Variants in TRHDE observed in about 807,000 individuals in gnomAD.
TRHDE encodes the protein thyrotropin releasing hormone degrading enzyme, also known as thyrotropin-releasing hormone-degrading ectoenzyme.
A neutral mutation model predicts 125.7 loss-of-function variants in TRHDE; 72 were observed. That is an observed-to-expected ratio of 0.57 (90% CI 0.47 to 0.70). TRHDE has a LOEUF of 0.70. Among genes scored for constraint, TRHDE ranks in the 30% least tolerant of loss-of-function variants. The probability of loss-of-function intolerance (pLI) is 0.00; values close to 1 mark genes in which losing one functional copy is unlikely to be tolerated. For missense variants in TRHDE, 1,110 were observed against 1,327.1 expected, an observed-to-expected ratio of 0.84 and a Z score of 2.54; for synonymous variants, 509 against 509.1, an observed-to-expected ratio of 1.00 and a Z score of 0.00.
Position 72,531,599 on chromosome 12 carries a change from A to T in TRHDE, c.1723-10692A>T, listed in dbSNP as rs76148078. Among the ~76,000 whole-genome samples the T allele has an allele frequency of 3.2e-3, 491 of 152,004 alleles. 12 individuals are homozygous for T. In the East Asian group the frequency reaches 0.044, roughly 14 times the overall value. On this transcript the variant is annotated intron_variant, in intron 6 of 18. Transcript: ENST00000261180. ...TAATATTTTTAAAGTTTTGCATTGT[A>T]TATTGAGTTCTGTAATCATCCATTT...
intron 1 of TRHDE, among the ~76,000 whole-genome samples, chr12:72,091,986 T>C (rs752908505): frequency 6.6e-5 from 10 of 152,182 alleles, no homozygotes; most frequent in Non-Finnish European, 1.5e-4. Flanking sequence ...AACAGTTTCT[T>C]TTGTCTTTTG....
At chr12:72,477,402 A>G (rs971245630) in intron 5 of TRHDE, among the ~76,000 whole-genome samples, 6 of 152,232 alleles carry the variant, frequency 3.9e-5, no homozygotes, top group Non-Finnish European at 5.9e-5. Context: ...ACTATTCCAT[A>G]GGAACATAAG....
At chr12:72,579,632 T>C (rs1349648132) in intron 12 of TRHDE, among the ~76,000 whole-genome samples, 29 of 152,114 alleles carry the variant, frequency 1.9e-4, no homozygotes, top group Admixed American at 1.9e-3. Flanking sequence ...AGGCATTCCT[T>C]TTATAGCTTT....
Position 72,300,365 on chromosome 12 carries a change from T to TAC in TRHDE, c.1188+13445_1188+13446dup, listed in dbSNP as rs10642447. On this transcript the variant is annotated intron_variant, in intron 2 of 18. Transcript: ENST00000261180. ...CACACTCATATAAAATATATGTGTA[T>TAC]ACACACACACACACACACACACACA... is the stretch of plus-strand genomic sequence containing the variant. Among the ~76,000 whole-genome samples, 726 of 102,740 alleles carry TAC rather than the reference T, an allele frequency of 7.1e-3. 2 individuals carry two copies. The highest frequency in any genetic ancestry group is 0.021 in the African/African-American group (628 of 29,272). 67.4% of individuals were successfully genotyped at this position (102,740 alleles called of 152,430 possible).
At chr12:72,538,748 C>G (rs574795824) in intron 6 of TRHDE, among the ~76,000 whole-genome samples, 2 of 152,110 alleles carry the variant, frequency 1.3e-5, no homozygotes, top group Admixed American at 6.6e-5. Flanking sequence ...ATCATCCACT[C>G]TAGCTTTAAA....
intron 2 of TRHDE, among the ~76,000 whole-genome samples, chr12:72,148,617 T>C (rs1387313613): frequency 6.6e-6 from 1 of 152,190 alleles, no homozygotes; most frequent in African/African-American, 2.4e-5. Context: ...CCTCTGATCC[T>C]GCCAAGGAAA....
intron 2 of TRHDE, chr12:72,147,493 T>A (rs545876373): frequency 3.9e-5 from 6 of 152,340 alleles, no homozygotes; most frequent in Non-Finnish European, 5.9e-5. Flanking sequence ...CATCCTATAA[T>A]GTAATCTTAT....
chr12:72,538,775 C>G (rs1053400252), intron 6 of TRHDE, among the ~76,000 whole-genome samples: 25 of 151,940 alleles, frequency 1.6e-4, no homozygotes, highest in Non-Finnish European at 1.5e-5. Flanking sequence ...ACTTATCTTT[C>G]CATTTCTTAA....
At chr12:72,493,513 C>T (rs1877777095) in intron 5 of TRHDE, among the ~76,000 whole-genome samples, 1 of 151,922 alleles carries the variant, frequency 6.6e-6, no homozygotes, top group South Asian at 2.1e-4. Context: ...TGTCCTGTTT[C>T]TCTGTTTCCA....
At chr12:72,594,889 T>A (rs924957837) in intron 12 of TRHDE, among the ~76,000 whole-genome samples, 7 of 151,518 alleles carry the variant, frequency 4.6e-5, no homozygotes, top group African/African-American at 1.7e-4. Flanking sequence ...ATAGACTGGA[T>A]TAAGAAAATG....
chr12:72,118,980 T>TA lies in TRHDE; in HGVS notation n.279+13235dup, dbSNP rs534261009. Among the ~76,000 whole-genome samples, 209 of 152,236 alleles carry TA rather than the reference T, an allele frequency of 1.4e-3. 1 individual carries two copies. Among genetic ancestry groups the TA allele is most frequent in the African/African-American group, 4.6e-3 (191 of 41,572 alleles). ...AGGTTTGTTGATTTTGTTTATCTTTTAAAAAAACCAGCTTTTTGATGTGTT... is the reference window on the plus strand; with the variant it reads ...AGGTTTGTTGATTTTGTTTATCTTTTAAAAAAAACCAGCTTTTTGATGTGTT... On this transcript the variant is annotated intron_variant and non_coding_transcript_variant, in intron 2 of 4. Transcript: ENST00000548156.
At chr12:72,195,963 C>G (rs1481163786) in intron 2 of TRHDE, among the ~76,000 whole-genome samples, 1 of 152,138 alleles carries the variant, frequency 6.6e-6, no homozygotes, top group Non-Finnish European at 1.5e-5. Context: ...GCTATCCAAG[C>G]ACCATTTATT....
At chr12:72,402,901 TG>T (rs1873104389) in intron 3 of TRHDE, among the ~76,000 whole-genome samples, 1 of 152,218 alleles carries the variant, frequency 6.6e-6, no homozygotes, top group East Asian at 1.9e-4. Flanking sequence ...GTCTCAGAGT[TG>T]AGGACCAGCT....
At chr12:72,377,179 A>G (rs889709905) in intron 2 of TRHDE, among the ~76,000 whole-genome samples, 4 of 152,180 alleles carry the variant, frequency 2.6e-5, no homozygotes, top group Non-Finnish European at 5.9e-5. Flanking sequence ...TCTGTGAAAA[A>G]TAGATTTAGC....
intron 2 of TRHDE, among the ~76,000 whole-genome samples, chr12:72,152,677 T>G (rs565434759): frequency 9.2e-5 from 14 of 152,372 alleles, no homozygotes; most frequent in African/African-American, 3.4e-4. Context: ...TCGTTGGTTC[T>G]GTTTATACGC....
intron 2 of TRHDE, among the ~76,000 whole-genome samples, chr12:72,108,561 C>A (rs2139293546): frequency 6.6e-6 from 1 of 152,116 alleles, no homozygotes; most frequent in Middle Eastern, 3.4e-3. Context: ...GATGTTTCAG[C>A]TTTAAGAAAG....
intron 2 of TRHDE, among the ~76,000 whole-genome samples, chr12:72,296,385 A>G (rs1353002132): frequency 2.0e-5 from 3 of 152,236 alleles, no homozygotes; most frequent in Non-Finnish European, 4.4e-5. Context: ...GGTACTGAGG[A>G]GCAAAGGTTT....
chr12:72,160,712 A>G (rs1019895035), intron 2 of TRHDE, among the ~76,000 whole-genome samples: 16 of 151,716 alleles, frequency 1.1e-4, no homozygotes, highest in African/African-American at 3.4e-4. Flanking sequence ...ACAAAATGAA[A>G]CAAAACAAAA....
intron 2 of TRHDE, among the ~76,000 whole-genome samples, chr12:72,173,238 G>A (rs1296544443): frequency 6.6e-6 from 1 of 152,130 alleles, no homozygotes; most frequent in African/African-American, 2.4e-5. Context: ...CAATTGGGCA[G>A]AATAAAATAA....
Sources: allele counts gnomAD v4.1 joint callset (sites outside exome capture counted in the v4.1 genomes callset), GRCh38; gene constraint gnomAD v4.1.1; transcripts MANE v1.5; gene names NCBI Gene and HGNC (gene_info 2026-07-23, HGNC 2026-07-21).